KCNB2: variants seen among roughly 807,000 people sequenced by gnomAD.
KCNB2 encodes the protein potassium voltage-gated channel subfamily B member 2, also known as delayed rectifier potassium channel protein.
Under a neutral mutation model 61.5 loss-of-function variants are expected in KCNB2, and 15 were observed. That is an observed-to-expected ratio of 0.24 (90% confidence interval 0.16 to 0.38). The LOEUF is 0.38. KCNB2 is among the 10% of genes least tolerant of loss of function. KCNB2 has a pLI of 1.00. For missense variants in KCNB2, 828 were observed against 1,125.2 expected, an observed-to-expected ratio of 0.74 and a Z score of 3.78; for synonymous variants, 457 against 446.0, an observed-to-expected ratio of 1.02 and a Z score of -0.31.
rs1563379953 is a variant in KCNB2, at chr8:72,769,453, GATAT to G, written c.580-166481_580-166478del. 1.7e-4 allele frequency among the ~76,000 whole-genome samples: 26 copies of G among 152,160 alleles called. 1 individual carries two copies. The highest frequency in any genetic ancestry group is 1.6e-3 in the Admixed American group (25 of 15,272). ...GCACTATAGCAAATGTTCTAATAGA[GATAT>G]GCACAGACAAAACTGAAACATATTA... is the stretch of plus-strand genomic sequence containing the variant. On this transcript the variant is annotated intron_variant, in intron 2 of 2. Coordinates refer to ENST00000523207, the MANE Select transcript of KCNB2 (RefSeq NM_004770.3).
intron 2 of KCNB2, among the ~76,000 whole-genome samples, chr8:72,716,921 C>G (rs1807453994): frequency 6.6e-6 from 1 of 152,130 alleles, no homozygotes; most frequent in Non-Finnish European, 1.5e-5. Context: ...ACCCCATTGT[C>G]TCAGCCCAAA....
intron 2 of KCNB2, among the ~76,000 whole-genome samples, chr8:72,841,719 A>G (rs1475336514): frequency 4.8e-5 from 2 of 42,040 alleles, no homozygotes; most frequent in Non-Finnish European, 1.9e-4. Flanking sequence ...TTCACTCATG[A>G]TTTGGCTGTC....
intron 2 of KCNB2, among the ~76,000 whole-genome samples, chr8:72,762,103 A>C (rs936037972): frequency 1.3e-5 from 2 of 152,206 alleles, no homozygotes; most frequent in Non-Finnish European, 2.9e-5. Context: ...AATGAGTTCA[A>C]TCTGAGTAGC....
chr8:72,781,705 G>T (rs1808758145), intron 2 of KCNB2, among the ~76,000 whole-genome samples: 1 of 152,046 alleles, frequency 6.6e-6, no homozygotes, highest in Non-Finnish European at 1.5e-5. Flanking sequence ...CTCTTATTTG[G>T]TTCCATATGA....
At chr8:72,721,971 G>T (rs907837162) in intron 2 of KCNB2, among the ~76,000 whole-genome samples, 2 of 152,158 alleles carry the variant, frequency 1.3e-5, no homozygotes, top group African/African-American at 4.8e-5. Context: ...TTGAGAGTCC[G>T]TGCTTGATCC....
intron 2 of KCNB2, among the ~76,000 whole-genome samples, chr8:72,797,142 A>G (rs1445646375): frequency 6.6e-6 from 1 of 152,218 alleles, no homozygotes; most frequent in African/African-American, 2.4e-5. Flanking sequence ...TCCTTATTTT[A>G]TGATTCAGGT....
At chr8:72,629,464 A>G (rs536182112) in intron 2 of KCNB2, among the ~76,000 whole-genome samples, 1 of 152,324 alleles carries the variant, frequency 6.6e-6, no homozygotes, top group South Asian at 2.1e-4. Flanking sequence ...TTCCAAAGTA[A>G]TAATAATACC....
At chr8:72,792,411 A>G (rs1409106804) in intron 2 of KCNB2, among the ~76,000 whole-genome samples, 2 of 152,198 alleles carry the variant, frequency 1.3e-5, no homozygotes, top group Non-Finnish European at 2.9e-5. Flanking sequence ...TCTCAAGGTA[A>G]AAACTAACCA....
At chr8:72,746,343 G>A (rs1808065417) in intron 2 of KCNB2, among the ~76,000 whole-genome samples, 1 of 134,252 alleles carries the variant, frequency 7.4e-6, no homozygotes. Flanking sequence ...GTGGTGAAAG[G>A]CAACCCTAGC....
chr8:72,900,481 C>A (rs988836636), intron 2 of KCNB2, among the ~76,000 whole-genome samples: 1 of 152,064 alleles, frequency 6.6e-6, no homozygotes, highest in African/African-American at 2.4e-5. Context: ...GTGACATAAA[C>A]AAAAATTGAC....
intron 2 of KCNB2, among the ~76,000 whole-genome samples, chr8:72,838,443 C>T (rs1479413476): frequency 6.6e-6 from 1 of 152,188 alleles, no homozygotes; most frequent in Non-Finnish European, 1.5e-5. Context: ...GACATGAACT[C>T]ATCCTTTTTT....
intron 2 of KCNB2, among the ~76,000 whole-genome samples, chr8:72,925,107 C>T (rs1406160937): frequency 6.6e-6 from 1 of 152,158 alleles, no homozygotes; most frequent in Non-Finnish European, 1.5e-5. Flanking sequence ...AAAATGATTG[C>T]ATTATGGCTT....
chr8:72,907,353 C>A (rs1806196877), intron 2 of KCNB2, among the ~76,000 whole-genome samples: 1 of 151,946 alleles, frequency 6.6e-6, no homozygotes, highest in African/African-American at 2.4e-5. Context: ...AAGACTCCAT[C>A]TCAAAAAACA....
At chr8:72,562,870 CAT>C (rs1806558948) in intron 1 of KCNB2, among the ~76,000 whole-genome samples, 1 of 152,050 alleles carries the variant, frequency 6.6e-6, no homozygotes, top group South Asian at 2.1e-4. Flanking sequence ...AAATTAAAAA[CAT>C]AAATTTTGTG....
intron 2 of KCNB2, among the ~76,000 whole-genome samples, chr8:72,886,349 A>G (rs1264952609): frequency 6.6e-6 from 1 of 152,148 alleles, no homozygotes; most frequent in African/African-American, 2.4e-5. Context: ...GTTCTCTCTC[A>G]GTCTCTCTCT....
At chr8:72,769,920 T>C (rs973629901) in intron 2 of KCNB2, among the ~76,000 whole-genome samples, 3 of 152,126 alleles carry the variant, frequency 2.0e-5, no homozygotes, top group African/African-American at 7.2e-5. Flanking sequence ...TGTTACCCCT[T>C]AGGAAATCTT....
intron 2 of KCNB2, among the ~76,000 whole-genome samples, chr8:72,802,326 C>T (rs918402883): frequency 6.6e-6 from 1 of 152,168 alleles, no homozygotes; most frequent in Non-Finnish European, 1.5e-5. Flanking sequence ...TCCATATAGT[C>T]ACTGCTCTTA....
chr8:72,715,810 T>A (rs1807427742), intron 2 of KCNB2, among the ~76,000 whole-genome samples: 1 of 151,940 alleles, frequency 6.6e-6, no homozygotes, highest in Non-Finnish European at 1.5e-5. Context: ...ATAACTAAGA[T>A]CAGAGCAGAA....
chr8:72,538,010 T>A (rs1421802245), intron 1 of KCNB2, 125 bp downstream of exon 1: 3 of 152,106 alleles, frequency 2.0e-5, no homozygotes, highest in Non-Finnish European at 4.4e-5. Flanking sequence ...CCCAGTGGAC[T>A]TACACACAAA....
Sources: gnomAD v4.1 joint callset for allele counts (sites outside exome capture counted in the v4.1 genomes callset) on GRCh38, gnomAD v4.1.1 for gene constraint, MANE v1.5 for transcripts, NCBI Gene and HGNC (gene_info 2026-07-23, HGNC 2026-07-21) for gene names.